Variants in DGKK observed in about 807,000 individuals in gnomAD.
DGKK encodes the protein diacylglycerol kinase kappa.
In DGKK, 35 loss-of-function variants were observed where a neutral mutation model predicts 92.2. The ratio of observed to expected loss-of-function variants is 0.38; its 90% CI spans 0.29 to 0.50. DGKK has a LOEUF of 0.50. Among genes scored for constraint, DGKK ranks in the 20% least tolerant of loss-of-function variants. DGKK has a pLI of 0.92. For missense variants in DGKK, 910 were observed against 992.2 expected, an observed-to-expected ratio of 0.92 and a Z score of 1.11; for synonymous variants, 368 against 360.6, an observed-to-expected ratio of 1.02 and a Z score of -0.23.
chrX:50,373,960 G>T (rs1225435374), intron 25 of DGKK, among the ~76,000 whole-genome samples: 2 of 111,859 alleles, frequency 1.8e-5, no homozygotes, highest in Non-Finnish European at 3.8e-5. Flanking sequence ...GCTAGTATAG[G>T]CTAGGCACTG....
chrX:50,461,229 G>C (rs1288123620), intron 1 of DGKK, among the ~76,000 whole-genome samples: 7 of 111,932 alleles, frequency 6.3e-5, no homozygotes, highest in Non-Finnish European at 1.1e-4. Flanking sequence ...AGTTTGACTA[G>C]ATGAACTTTA....
At chrX:50,411,990 A>G (rs1557228021) in intron 4 of DGKK, among the ~76,000 whole-genome samples, 1 of 111,443 alleles carries the variant, frequency 9.0e-6, no homozygotes, top group African/African-American at 3.3e-5. Context: ...ATTTTTTAGG[A>G]TTTTGAGGTA....
chrX:50,457,109 C>A (rs186028095), intron 1 of DGKK, among the ~76,000 whole-genome samples: 1 of 111,924 alleles, frequency 8.9e-6, no homozygotes, highest in African/African-American at 3.2e-5. Flanking sequence ...CAAGTTACCA[C>A]GGAGCAAAGA....
chrX:50,455,976 C>T, intron 1 of DGKK, among the ~76,000 whole-genome samples: 1 of 112,136 alleles, frequency 8.9e-6, no homozygotes, highest in Non-Finnish European at 1.9e-5. Context: ...ATGGTGTCTA[C>T]AATGTGAAAG....
intron 15 of DGKK, 101 bp downstream of exon 15, chrX:50,386,257 G>T: frequency 1.8e-6 from 1 of 567,232 alleles, no homozygotes; most frequent in Non-Finnish European, 2.9e-6. Context: ...ACTTTTTGTA[G>T]CAGAGTCAGA....
rs782160617 is a variant in DGKK, at chrX:50,379,654, G to T, written c.2835C>A (p.Asn945Lys). The change falls in exon 20 of 28, where the codon AAC (asparagine) becomes AAA (lysine). Residue 945 changes from asparagine (N) to lysine (K), a missense_variant. Coordinates refer to ENST00000611977, the MANE Select transcript of DGKK (RefSeq NM_001013742.4). ...LNITSYAGGINFWGSNTATTE... is the reference protein window; with the variant it reads ...LNITSYAGGIKFWGSNTATTE... ...TGGTTGCTGTGTTGCTTCCCCAGAA[G>T]TTGATACCTCCAGCATAGCTGGTAA... 3 of 1,209,603 alleles carry T rather than the reference G, an allele frequency of 2.5e-6. No individual in the cohort carries two copies. Among genetic ancestry groups the T allele is most frequent in the Non-Finnish European group, 3.4e-6 (3 of 894,821 alleles).
intron 1 of DGKK, 69 bp downstream of exon 1, chrX:50,469,965 C>G: frequency 1.8e-6 from 2 of 1,124,314 alleles, no homozygotes; most frequent in Non-Finnish European, 2.3e-6. Flanking sequence ...TACCCGGAGT[C>G]CCGCGGGCTC....
At chrX:50,411,250 G>C (rs782195322) in intron 4 of DGKK, among the ~76,000 whole-genome samples, 51 of 111,205 alleles carry the variant, frequency 4.6e-4, no homozygotes, top group Non-Finnish European at 5.7e-4. Context: ...GCCAGACAAG[G>C]ACACAACAAA....
At chrX:50,369,081 A>G in intron 27 of DGKK, 62 bp from the exon 28 acceptor site, 2 of 909,350 alleles carry the variant, frequency 2.2e-6, no homozygotes, top group Non-Finnish European at 1.6e-6. Context: ...ATGCCCAAGT[A>G]TGTGGACCCA....
chrX:50,418,566 G>C (rs1267750555), intron 4 of DGKK, among the ~76,000 whole-genome samples: 1 of 111,687 alleles, frequency 9.0e-6, no homozygotes, highest in African/African-American at 3.3e-5. Flanking sequence ...GGCACATATG[G>C]GAGAAAGCAT....
In DGKK at chrX:50,393,208, C is replaced by T. The variant is rs782174579; in HGVS notation, c.1539G>A (p.Lys513=). 5 of 1,208,507 alleles carry T rather than the reference C, an allele frequency of 4.1e-6. No individual in the cohort carries two copies. In the East Asian group the frequency reaches 1.2e-4, roughly 29 times the overall value. The change falls in exon 9 of 28, where the codon AAG becomes AAA. Residue 513 remains lysine, a synonymous_variant. Transcript: ENST00000611977. The part of the protein sequence containing the change: ...HQGIVFLRKF[K]QYLNPSQVFD... Reference sequence around the variant, plus strand: ...ACACTTGAGATGGGTTAAGGTATTGCTTGAATTTTCGGAGGAAGACGATCC... The same window carrying T: ...ACACTTGAGATGGGTTAAGGTATTGTTTGAATTTTCGGAGGAAGACGATCC...
At chrX:50,459,096 T>C (rs782622877) in intron 1 of DGKK, among the ~76,000 whole-genome samples, 1 of 111,986 alleles carries the variant, frequency 8.9e-6, no homozygotes, top group South Asian at 3.8e-4. Flanking sequence ...TTTTGAATTG[T>C]AGGAACCTTT....
At chrX:50,444,950 C>T (rs1414307558) in intron 1 of DGKK, among the ~76,000 whole-genome samples, 2 of 110,843 alleles carry the variant, frequency 1.8e-5, no homozygotes, top group East Asian at 5.7e-4. Context: ...ACCTCACCAA[C>T]ATCTGTAATT....
intron 8 of DGKK, among the ~76,000 whole-genome samples, chrX:50,394,758 T>A (rs1196840982): frequency 9.0e-6 from 1 of 111,161 alleles, no homozygotes. Flanking sequence ...AACAAAGAAT[T>A]ATAAAAAAGA....
rs1557224812 is a variant in DGKK, at chrX:50,384,844, G to A, written c.2348-20C>T. On this transcript the variant is annotated intron_variant, in intron 15 of 27. Coordinates refer to ENST00000611977, the MANE Select transcript of DGKK (RefSeq NM_001013742.4). ...CCAGAGCTATAGAGAAAAGTGGGAG[G>A]AAGGAAAGCAAAAAAGAAAGGAGGA... 3 of 1,132,354 alleles carry A rather than the reference G, an allele frequency of 2.6e-6. No homozygotes were observed. The highest frequency in any genetic ancestry group is 2.3e-5 in the Admixed American group (1 of 43,416). 93.3% of individuals were successfully genotyped at this position (1,132,354 alleles called of 1,213,427 possible). A position where few individuals can be genotyped will look rare whatever the true frequency, so the allele number is the denominator to read the frequency against.
chrX:50,375,442 C>T (rs1489036471), intron 24 of DGKK, among the ~76,000 whole-genome samples: 1 of 111,926 alleles, frequency 8.9e-6, no homozygotes, highest in Non-Finnish European at 1.9e-5. Context: ...GGCCTAACAT[C>T]TCTCTTCTTG....
Position 50,367,847 on chromosome X carries a change from G to A in DGKK, c.*1093C>T, listed in dbSNP as rs1353410506. ...GCCTGGCTCAGAATTTTAAGGGGGC[G>A]TCAGAATCAGCTGGGCCATAGATCC... On this transcript the variant is annotated 3_prime_UTR_variant, in exon 28 of 28. Transcript: ENST00000611977. 8 of 110,131 alleles carry A rather than the reference G, an allele frequency of 7.3e-5. No individual in the cohort carries two copies. The highest frequency in any genetic ancestry group is 1.7e-4 in the African/African-American group (5 of 30,208). 9.1% of individuals were successfully genotyped at this position (110,131 alleles called of 1,213,427 possible).
intron 3 of DGKK, among the ~76,000 whole-genome samples, chrX:50,420,726 C>G (rs1435505765): frequency 8.9e-6 from 1 of 112,120 alleles, no homozygotes; most frequent in East Asian, 2.8e-4. Flanking sequence ...TAATGCCACT[C>G]ACTATGTGCC....
chrX:50,466,856 G>A (rs782653228), intron 1 of DGKK, among the ~76,000 whole-genome samples: 4 of 111,590 alleles, frequency 3.6e-5, no homozygotes, highest in Non-Finnish European at 7.5e-5. Flanking sequence ...GTGCATAAAA[G>A]CTGTCCTGAT....
Sources: gnomAD v4.1 joint callset for allele counts (sites outside exome capture counted in the v4.1 genomes callset) on GRCh38, gnomAD v4.1.1 for gene constraint, MANE v1.5 for transcripts, NCBI Gene and HGNC (gene_info 2026-07-23, HGNC 2026-07-21) for gene names.